The following CYRIB variants were observed in gnomAD, a reference collection of about 807,000 sequenced individuals.
CYRIB encodes the protein CYFIP related Rac1 interactor B.
CYRIB carries 8 observed loss-of-function variants against 44.2 expected under a neutral mutation model. That is an observed-to-expected ratio of 0.18 (90% CI 0.11 to 0.33). CYRIB has a LOEUF of 0.33. Ranked by LOEUF, CYRIB falls within the 10% of genes least tolerant of loss-of-function variation. CYRIB has a pLI of 1.00. For synonymous variants in CYRIB, 131 were observed against 127.2 expected (o/e 1.03, Z -0.20); for missense variants, 185 against 382.8 (o/e 0.48, Z 4.31).
chr8:129,852,682 G>C (rs1382391443), intron 7 of CYRIB, among the ~76,000 whole-genome samples: 1 of 152,162 alleles, frequency 6.6e-6, no homozygotes, highest in Non-Finnish European at 1.5e-5. Context: ...AAGAAACTAA[G>C]GAGAAGAGTT....
At chr8:129,880,342 T>C (rs1271145042) in intron 2 of CYRIB, 2 of 968,286 alleles carry the variant, frequency 2.1e-6, no homozygotes, top group East Asian at 1.1e-4. Flanking sequence ...CCTTTACCAT[T>C]ATGCACCAGC....
At chr8:129,856,401 A>T (rs2131873744) in intron 5 of CYRIB, among the ~76,000 whole-genome samples, 1 of 152,338 alleles carries the variant, frequency 6.6e-6, no homozygotes, top group South Asian at 2.1e-4. Flanking sequence ...ACCATGTTTG[A>T]TAATGGAAAT....
chr8:129,876,747 T>A (rs2059257311), intron 3 of CYRIB, among the ~76,000 whole-genome samples: 1 of 152,136 alleles, frequency 6.6e-6, no homozygotes, highest in Admixed American at 6.6e-5. Flanking sequence ...GTCACCCAAC[T>A]GCAGAGACAT....
intron 4 of CYRIB, among the ~76,000 whole-genome samples, chr8:129,867,340 G>T (rs549003562): frequency 6.7e-6 from 1 of 149,452 alleles, no homozygotes; most frequent in Non-Finnish European, 1.5e-5. Flanking sequence ...AATCAGGCTG[G>T]TCTTGAACCC....
At chr8:129,922,679 T>C (rs298600) in intron 1 of CYRIB, among the ~76,000 whole-genome samples, 119,622 of 151,264 alleles carry the variant, frequency 0.79, 48,007 homozygotes, top group African/African-American at 0.95. Flanking sequence ...CTGGCTAACA[T>C]GGTGAACTCC....
chr8:129,911,349 G>A (rs146041392), intron 1 of CYRIB, among the ~76,000 whole-genome samples: 1 of 152,212 alleles, frequency 6.6e-6, no homozygotes, highest in South Asian at 2.1e-4. Context: ...GGAAGGGACA[G>A]AAATGAGGAA....
intron 3 of CYRIB, among the ~76,000 whole-genome samples, chr8:129,872,162 T>C (rs1264884776): frequency 6.6e-6 from 1 of 152,124 alleles, no homozygotes; most frequent in African/African-American, 2.4e-5. Flanking sequence ...TCAAGAATCC[T>C]GTGCAGAGGA....
chr8:129,984,583 C>T (rs1350023346), intron 1 of CYRIB, among the ~76,000 whole-genome samples: 1 of 152,152 alleles, frequency 6.6e-6, no homozygotes, highest in East Asian at 1.9e-4. Flanking sequence ...GATGCGGCCA[C>T]TGCCCTGCCC....
At chr8:129,977,961 T>A (rs2096027019) in intron 1 of CYRIB, among the ~76,000 whole-genome samples, 1 of 152,190 alleles carries the variant, frequency 6.6e-6, no homozygotes, top group Non-Finnish European at 1.5e-5. Context: ...TAGGCTGGAG[T>A]GCAGTGGCAC....
At chr8:129,940,619 C>A (rs2093617223), upstream of CYRIB, among the ~76,000 whole-genome samples, 1 of 152,104 alleles carries the variant, frequency 6.6e-6, no homozygotes, top group Non-Finnish European at 1.5e-5. Flanking sequence ...CCTTTACAGA[C>A]AAAAACAGAA....
rs139945442 is a variant in CYRIB, at chr8:129,905,230, G to A, written c.-49-1880C>T. Among the ~76,000 whole-genome samples, 1,371 of 151,958 alleles carry A rather than the reference G, an allele frequency of 9.0e-3. 18 individuals are homozygous for A. Among genetic ancestry groups the A allele is most frequent in the African/African-American group, 0.032 (1,306 of 41,418 alleles). On this transcript the variant is annotated intron_variant, in intron 1 of 11. Coordinates refer to ENST00000519824, the Ensembl canonical transcript of CYRIB. ...TGATTGATTGATTGATTGATTGATT[G>A]ATTTTGAGATGGAGTCTCACTCTGT...
At position 129,846,088 on chromosome 8, in the gene CYRIB, T is replaced by C. The variant is rs150585833; in HGVS notation, c.911+716A>G. 3.7e-3 allele frequency among the ~76,000 whole-genome samples: 565 copies of C among 152,346 alleles called. 3 individuals are homozygous for C. Among genetic ancestry groups the C allele is most frequent in the African/African-American group, 0.012 (486 of 41,578 alleles). ...CCGAGGTTCCAATAAGCCAAGATTG[T>C]GCCACTGTACTCTAGCCTGGGTGAC... On this transcript the variant is annotated intron_variant, in intron 11 of 11. Coordinates refer to ENST00000519824, the Ensembl canonical transcript of CYRIB.
At chr8:129,942,773 G>C (rs574178391), upstream of CYRIB, among the ~76,000 whole-genome samples, 2 of 152,288 alleles carry the variant, frequency 1.3e-5, no homozygotes, top group Non-Finnish European at 2.9e-5. Flanking sequence ...CTCTTGACTT[G>C]TTTTCTTCTT....
At position 129,846,800 on chromosome 8, in the gene CYRIB, A is replaced by G; in HGVS notation, c.911+4T>C. 6.3e-7 allele frequency: 1 copy of G among 1,589,538 alleles called. No homozygotes were observed. The highest frequency in any genetic ancestry group is 1.9e-5 in the Admixed American group (1 of 52,246). On this transcript the variant is annotated splice_donor_region_variant and intron_variant, in intron 11 of 11. Transcript: ENST00000519824. ...TGTACATACGTACACGTACATATACACACCTGAGAGCATTTAGAAGACCTT... is the reference window on the plus strand; with the variant it reads ...TGTACATACGTACACGTACATATACGCACCTGAGAGCATTTAGAAGACCTT...
At chr8:129,944,971 T>C (rs1488747273) in intron 2 of CYRIB, among the ~76,000 whole-genome samples, 4 of 152,182 alleles carry the variant, frequency 2.6e-5, no homozygotes, top group African/African-American at 7.2e-5. Context: ...AAGGTCCACA[T>C]CCTACATGGC....
chr8:129,879,512 T>C (rs2060176766), intron 2 of CYRIB, 41 bp from the exon 5 acceptor site: 1 of 1,389,428 alleles, frequency 7.2e-7, no homozygotes, highest in South Asian at 1.3e-5. Flanking sequence ...TATCCCTTTA[T>C]AAAAAAGAAC....
intron 2 of CYRIB, among the ~76,000 whole-genome samples, chr8:129,887,847 G>A (rs949714399): frequency 1.3e-5 from 2 of 152,200 alleles, no homozygotes; most frequent in African/African-American, 4.8e-5. Flanking sequence ...TTTAAACAAT[G>A]CCTGTACCCT....
At chr8:129,913,481 T>TAAG (rs2079124384) in intron 1 of CYRIB, among the ~76,000 whole-genome samples, 1 of 152,258 alleles carries the variant, frequency 6.6e-6, no homozygotes, top group African/African-American at 2.4e-5. Context: ...AGCACATTCT[T>TAAG]CAATGACAAG....
At chr8:129,897,929 C>T (rs2068943631) in intron 2 of CYRIB, among the ~76,000 whole-genome samples, 1 of 151,908 alleles carries the variant, frequency 6.6e-6, no homozygotes, top group South Asian at 2.1e-4. Context: ...ATACGCCCGG[C>T]TGATTTTTGT....
Sources: allele counts gnomAD v4.1 joint callset (sites outside exome capture counted in the v4.1 genomes callset), GRCh38; gene constraint gnomAD v4.1.1; transcripts MANE v1.5; gene names NCBI Gene and HGNC (gene_info 2026-07-23, HGNC 2026-07-21).